The following CGAS variants were observed in gnomAD, a reference collection of about 807,000 sequenced individuals.
CGAS encodes cyclic GMP-AMP synthase, also known as 2'3'-cGAMP synthase.
A neutral mutation model predicts 34.0 loss-of-function variants in CGAS; 31 were observed. The observed-to-expected ratio is 0.91, with a 90% CI of 0.69 to 1.23. CGAS has a LOEUF of 1.23. Among genes scored for constraint, CGAS ranks in the 50% most tolerant of loss-of-function variants. CGAS has a pLI of 0.00. For synonymous variants in CGAS, 266 were observed against 260.0 expected (o/e 1.02, Z -0.22); for missense variants, 597 against 657.6 (o/e 0.91, Z 1.01).
chr6:73,444,028 C>CTTGTT (rs1770427232), intron 2 of CGAS, among the ~76,000 whole-genome samples: 1 of 152,184 alleles, frequency 6.6e-6, no homozygotes, highest in Non-Finnish European at 1.5e-5. Flanking sequence ...CTTGCTCTGT[C>CTTGTT]GCCCAGGCTG....
At chr6:73,435,091 GGT>G (rs1770260150) in intron 3 of CGAS, among the ~76,000 whole-genome samples, 1 of 152,104 alleles carries the variant, frequency 6.6e-6, no homozygotes, top group South Asian at 2.1e-4. Flanking sequence ...GATAAGGTGA[GGT>G]GGGAGGATCA....
intron 3 of CGAS, among the ~76,000 whole-genome samples, chr6:73,432,065 A>G (rs1770203476): frequency 6.6e-6 from 1 of 152,150 alleles, no homozygotes; most frequent in Non-Finnish European, 1.5e-5. Context: ...CCTGGGGTCC[A>G]GCAATCCTCC....
chr6:73,433,439 A>G (rs1486360012), intron 3 of CGAS, among the ~76,000 whole-genome samples: 1 of 146,932 alleles, frequency 6.8e-6, no homozygotes, highest in Admixed American at 6.8e-5. Context: ...AAAAGTTTTT[A>G]TAGAGATGAA....
intron 1 of CGAS, among the ~76,000 whole-genome samples, chr6:73,449,508 C>CACACACACACACACACACAAAA (rs569310062): frequency 6.6e-6 from 1 of 150,386 alleles, no homozygotes; most frequent in Admixed American, 6.6e-5. Context: ...CACACACACA[C>CACACACACACACACACACAAAA]AAAGTGGTTC....
intron 1 of CGAS, among the ~76,000 whole-genome samples, chr6:73,450,427 AAAG>A (rs1770545282): frequency 1.3e-5 from 2 of 151,716 alleles, no homozygotes; most frequent in African/African-American, 2.4e-5. Flanking sequence ...AAAAAAAAAA[AAAG>A]AAAGAAAGAA....
intron 4 of CGAS, among the ~76,000 whole-genome samples, chr6:73,427,496 C>T (rs1478876728): frequency 2.0e-5 from 3 of 151,836 alleles, no homozygotes; most frequent in East Asian, 1.9e-4. Context: ...GACGGGGTTT[C>T]GCCACGTAGG....
chr6:73,445,468 G>A, intron 2 of CGAS, 60 bp downstream of exon 2: 2 of 1,215,034 alleles, frequency 1.6e-6, no homozygotes, highest in South Asian at 1.5e-5. Flanking sequence ...GAATGGGAGT[G>A]TACATTGGCA....
intron 3 of CGAS, among the ~76,000 whole-genome samples, chr6:73,433,534 G>A (rs1770229158): frequency 6.6e-6 from 1 of 151,214 alleles, no homozygotes; most frequent in South Asian, 2.1e-4. Flanking sequence ...CTGTCACCAG[G>A]CTGGAGTGCA....
At chr6:73,446,120 GGT>G (rs531928740) in intron 1 of CGAS, among the ~76,000 whole-genome samples, 1,696 of 152,000 alleles carry the variant, frequency 0.011, 36 homozygotes, top group African/African-American at 0.038. Context: ...CCTGAGGTCA[GGT>G]GTTCGAGACC....
chr6:73,431,241 C>T (rs1222964092), intron 3 of CGAS, among the ~76,000 whole-genome samples: 26 of 152,120 alleles, frequency 1.7e-4, no homozygotes, highest in African/African-American at 5.8e-4. Flanking sequence ...GAGGCTGAGG[C>T]GGTGGATCAC....
At chr6:73,426,929 C>G (rs531477566) in intron 4 of CGAS, among the ~76,000 whole-genome samples, 39 of 151,658 alleles carry the variant, frequency 2.6e-4, no homozygotes, top group African/African-American at 9.2e-4. Flanking sequence ...CAGCTCACCG[C>G]AACCTCTGCC....
intron 3 of CGAS, among the ~76,000 whole-genome samples, chr6:73,436,448 A>G (rs968923359): frequency 9.7e-6 from 1 of 103,434 alleles, no homozygotes; most frequent in African/African-American, 3.4e-5. Context: ...CATATAATAT[A>G]AAACATTGTA....
intron 3 of CGAS, among the ~76,000 whole-genome samples, chr6:73,437,128 G>A (rs1770293445): frequency 6.6e-6 from 1 of 151,824 alleles, no homozygotes; most frequent in African/African-American, 2.4e-5. Flanking sequence ...CTCCAGCCTG[G>A]GCAACAGAGC....
At chr6:73,443,691 T>C (rs571237941) in intron 2 of CGAS, among the ~76,000 whole-genome samples, 1 of 152,388 alleles carries the variant, frequency 6.6e-6, no homozygotes, top group South Asian at 2.1e-4. Flanking sequence ...ATAATCATTT[T>C]TTCCATTTGT....
chr6:73,435,069 T>C (rs762503259), intron 3 of CGAS, among the ~76,000 whole-genome samples: 11 of 152,058 alleles, frequency 7.2e-5, no homozygotes, highest in Non-Finnish European at 1.0e-4. Context: ...GTGTCTGTAG[T>C]CCCAGTTACT....
At chr6:73,451,268 C>T (rs1050583763) in intron 1 of CGAS, among the ~76,000 whole-genome samples, 4 of 152,164 alleles carry the variant, frequency 2.6e-5, no homozygotes, top group African/African-American at 9.7e-5. Context: ...CATGAATGAA[C>T]CCATACATTT....
chr6:73,440,150 G>A (rs1184075860), intron 3 of CGAS, 59 bp downstream of exon 3: 1 of 1,463,256 alleles, frequency 6.8e-7, no homozygotes, highest in African/African-American at 1.4e-5. Context: ...TTTACTGCCT[G>A]AACATATAAC....
At chr6:73,442,128 C>A (rs938578880) in intron 2 of CGAS, among the ~76,000 whole-genome samples, 1 of 152,128 alleles carries the variant, frequency 6.6e-6, no homozygotes, top group Admixed American at 6.6e-5. Context: ...CTACCTTGGC[C>A]TCCCAAAGTG....
chr6:73,426,339 G>A (rs547631341), intron 4 of CGAS, among the ~76,000 whole-genome samples: 1 of 134,634 alleles, frequency 7.4e-6, no homozygotes, highest in African/African-American at 2.9e-5. Flanking sequence ...TAAATGAAAT[G>A]AAATGAAATG....
Sources: allele counts gnomAD v4.1 joint callset (sites outside exome capture counted in the v4.1 genomes callset), GRCh38; gene constraint gnomAD v4.1.1; transcripts MANE v1.5; gene names NCBI Gene and HGNC (gene_info 2026-07-23, HGNC 2026-07-21).